Variants in PTPRD observed in about 807,000 individuals in gnomAD.
PTPRD encodes the protein receptor-type tyrosine-protein phosphatase delta.
PTPRD carries 34 observed loss-of-function variants against 214.5 expected under a neutral mutation model. The ratio of observed to expected loss-of-function variants is 0.16; its 90% CI spans 0.12 to 0.21. PTPRD has a LOEUF of 0.21. Ranked by LOEUF, PTPRD falls within the 10% of genes least tolerant of loss-of-function variation. The pLI is 1.00. For missense variants in PTPRD, 2,545 were observed against 2,398.7 expected (o/e 1.06, Z -1.27); for synonymous variants, 1,128 against 845.7 (o/e 1.33, Z -5.79).
chr9:10,398,197 A>G (rs549953842), intron 2 of PTPRD, among the ~76,000 whole-genome samples: 2 of 151,794 alleles, frequency 1.3e-5, no homozygotes, highest in East Asian at 4.0e-4. Flanking sequence ...TGGACAACAC[A>G]GCGAGACCCT....
At chr9:10,063,616 C>G (rs1418418623) in intron 3 of PTPRD, among the ~76,000 whole-genome samples, 2 of 151,910 alleles carry the variant, frequency 1.3e-5, no homozygotes, top group African/African-American at 2.4e-5. Context: ...ATCATCAGTT[C>G]TAATACAAAA....
At chr9:8,568,285 G>C (rs2090030411) in intron 14 of PTPRD, among the ~76,000 whole-genome samples, 1 of 152,032 alleles carries the variant, frequency 6.6e-6, no homozygotes. Context: ...CATTAAACCA[G>C]GACCAAGAAT....
chr9:9,820,351 A>G (rs1035388032), intron 5 of PTPRD, among the ~76,000 whole-genome samples: 1 of 151,784 alleles, frequency 6.6e-6, no homozygotes, highest in Non-Finnish European at 1.5e-5. Context: ...TGGTTGTTCA[A>G]TTGTTTCAGT....
intron 10 of PTPRD, among the ~76,000 whole-genome samples, chr9:9,171,870 C>A (rs1215776949): frequency 6.6e-6 from 1 of 151,960 alleles, no homozygotes; most frequent in Non-Finnish European, 1.5e-5. Flanking sequence ...TCTCAATGAT[C>A]TGCAGCAAAA....
intron 8 of PTPRD, among the ~76,000 whole-genome samples, chr9:9,424,988 C>T (rs73644720): frequency 0.031 from 4,658 of 152,160 alleles, 167 homozygotes; most frequent in East Asian, 0.088. Context: ...TTGCTTTGAC[C>T]GGTAGATTTC....
At chr9:9,737,343 CT>C (rs1814326180) in intron 6 of PTPRD, among the ~76,000 whole-genome samples, 1 of 151,982 alleles carries the variant, frequency 6.6e-6, no homozygotes, top group South Asian at 2.1e-4. Flanking sequence ...AGTGTGTTGA[CT>C]TTTTACTATA....
At chr9:10,477,453 A>T (rs2099070409) in intron 2 of PTPRD, among the ~76,000 whole-genome samples, 1 of 152,196 alleles carries the variant, frequency 6.6e-6, no homozygotes, top group Non-Finnish European at 1.5e-5. Flanking sequence ...GCCAGTTAGA[A>T]TGGTGATCAT....
In PTPRD at chr9:8,376,623, G is replaced by T; in HGVS notation, c.4490C>A (p.Thr1497Lys). ...AAAGCAAACCTTGTAAAGTGCAAAT[G>T]TTCGAACACAATATGTGGCCAGCTC... ...TVELATYCVRTFALYKNGSSE... is the reference protein window; with the variant it reads ...TVELATYCVRKFALYKNGSSE... The change falls in exon 38 of 46, where the codon ACA becomes AAA. Residue 1497 changes from threonine to lysine, a missense_variant. Physicochemically the swap from Thr to Lys is moderately conservative, Grantham distance 78. Coordinates refer to ENST00000381196, the MANE Select transcript of PTPRD (RefSeq NM_002839.4). 1.9e-6 allele frequency: 3 copies of T among 1,612,956 alleles called. No individual in the cohort carries two copies. Among genetic ancestry groups the T allele is most frequent in the East Asian group, 2.2e-5 (1 of 44,842 alleles).
chr9:9,226,486 T>G (rs999417511), intron 9 of PTPRD, among the ~76,000 whole-genome samples: 59 of 151,584 alleles, frequency 3.9e-4, no homozygotes, highest in African/African-American at 1.2e-3. Context: ...ATTTAGTGGG[T>G]AGTGAAGGGT....
At chr9:9,326,825 A>T (rs776445624) in intron 9 of PTPRD, among the ~76,000 whole-genome samples, 10 of 152,162 alleles carry the variant, frequency 6.6e-5, no homozygotes, top group Non-Finnish European at 1.3e-4. Flanking sequence ...ATTTCACCTT[A>T]TAAAAACTTT....
intron 12 of PTPRD, chr9:8,700,614 C>G (rs923505397): frequency 2.0e-5 from 3 of 152,080 alleles, no homozygotes; most frequent in African/African-American, 7.2e-5. Context: ...GCAATTGAAT[C>G]CAGAAGCACA....
chr9:10,474,554 C>T (rs375585303), intron 2 of PTPRD, among the ~76,000 whole-genome samples: 3 of 152,062 alleles, frequency 2.0e-5, no homozygotes, highest in African/African-American at 4.8e-5. Context: ...GACTTTAACA[C>T]CCCACTGTCA....
intron 3 of PTPRD, among the ~76,000 whole-genome samples, chr9:10,335,110 C>A (rs1219997108): frequency 1.3e-5 from 2 of 151,552 alleles, no homozygotes; most frequent in African/African-American, 4.8e-5. Context: ...CATGTAGAAG[C>A]AAAAACCCAG....
intron 2 of PTPRD, among the ~76,000 whole-genome samples, chr9:10,379,567 A>G (rs184165091): frequency 7.9e-5 from 12 of 152,166 alleles, no homozygotes; most frequent in Admixed American, 5.9e-4. Context: ...TAAATATACT[A>G]TATTACTAGC....
intron 3 of PTPRD, among the ~76,000 whole-genome samples, chr9:10,325,517 AAAGT>A (rs1337251793): frequency 5.3e-5 from 8 of 151,960 alleles, no homozygotes; most frequent in Non-Finnish European, 1.2e-4. Flanking sequence ...AAGGAAAGAG[AAAGT>A]AATAATGAGG....
chr9:10,015,970 C>G (rs1210649687), intron 4 of PTPRD, among the ~76,000 whole-genome samples: 2 of 152,188 alleles, frequency 1.3e-5, no homozygotes, highest in Non-Finnish European at 2.9e-5. Context: ...ACACCACACT[C>G]TGTCTACAAG....
At chr9:8,501,292 G>A (rs2097400208) in intron 23 of PTPRD, among the ~76,000 whole-genome samples, 1 of 152,042 alleles carries the variant, frequency 6.6e-6, no homozygotes, top group Non-Finnish European at 1.5e-5. Flanking sequence ...TAATGGGTAG[G>A]GGGAATATGT....
chr9:10,271,450 A>G (rs1383936514), intron 3 of PTPRD, among the ~76,000 whole-genome samples: 2 of 134,628 alleles, frequency 1.5e-5, no homozygotes, highest in Non-Finnish European at 3.4e-5. Flanking sequence ...AAAAATTGCA[A>G]TGAAAAAATA....
At chr9:8,802,326 T>C (rs919710491) in intron 11 of PTPRD, among the ~76,000 whole-genome samples, 1 of 152,168 alleles carries the variant, frequency 6.6e-6, no homozygotes, top group Non-Finnish European at 1.5e-5. Flanking sequence ...ACACCATGTA[T>C]CACAGGGATC....
Sources: allele counts gnomAD v4.1 joint callset (sites outside exome capture counted in the v4.1 genomes callset), GRCh38; gene constraint gnomAD v4.1.1; transcripts MANE v1.5; gene names NCBI Gene and HGNC (gene_info 2026-07-23, HGNC 2026-07-21).